FTO: variants seen among roughly 807,000 people sequenced by gnomAD.
FTO encodes the protein alpha-ketoglutarate-dependent dioxygenase FTO.
Under a neutral mutation model 63.9 loss-of-function variants are expected in FTO, and 47 were observed. The observed-to-expected ratio is 0.74, with a 90% CI of 0.58 to 0.94. The LOEUF (loss-of-function observed/expected upper bound fraction) is 0.94, where lower values mean the gene tolerates loss of function less well. FTO is among the 40% of genes least tolerant of loss of function. FTO has a pLI of 0.00. For synonymous variants in FTO, 207 were observed against 224.4 expected (o/e 0.92, Z 0.69); for missense variants, 562 against 618.1 (o/e 0.91, Z 0.96).
At chr16:54,062,060 G>C (rs182862858) in intron 8 of FTO, among the ~76,000 whole-genome samples, 25 of 152,164 alleles carry the variant, frequency 1.6e-4, no homozygotes, top group African/African-American at 6.0e-4. Context: ...CATGGCCACA[G>C]GCATCACGTT....
intron 8 of FTO, among the ~76,000 whole-genome samples, chr16:54,010,303 T>C (rs2084306164): frequency 6.6e-6 from 1 of 152,014 alleles, no homozygotes; most frequent in African/African-American, 2.4e-5. Context: ...TCCCAGCTAC[T>C]CAGGCGATGG....
At position 54,118,311 on chromosome 16, in the gene FTO, C is replaced by G. The variant is rs2086985532; in HGVS notation, c.*6396C>G. ...CCTGTGTGCTTCGGGTAATTCTGAC[C>G]CTCTTCATTAGTGATAATGGCATGA... On this transcript the variant is annotated 3_prime_UTR_variant, in exon 9 of 9. Coordinates refer to ENST00000471389, the MANE Select transcript of FTO (RefSeq NM_001080432.3). The G allele has an allele frequency of 6.6e-6, 1 of 151,982 alleles. No homozygotes were observed. The highest frequency in any genetic ancestry group is 6.6e-5 in the Admixed American group (1 of 15,250). 9.4% of individuals were successfully genotyped at this position (151,982 alleles called of 1,614,324 possible). A position where few individuals can be genotyped will look rare whatever the true frequency, so the allele number is the denominator to read the frequency against.
intron 8 of FTO, among the ~76,000 whole-genome samples, chr16:54,069,267 G>C (rs1229207034): frequency 6.6e-6 from 1 of 152,136 alleles, no homozygotes; most frequent in Admixed American, 6.5e-5. Flanking sequence ...AGCTGGGGCC[G>C]TCTGCACCAC....
intron 1 of FTO, among the ~76,000 whole-genome samples, chr16:53,762,326 C>G (rs567151766): frequency 3.3e-5 from 5 of 152,054 alleles, no homozygotes; most frequent in South Asian, 2.1e-4. Context: ...TTAAAGAAAC[C>G]CTTTAATAGT....
intron 8 of FTO, among the ~76,000 whole-genome samples, chr16:53,974,737 T>G (rs1389276877): frequency 6.6e-6 from 1 of 152,222 alleles, no homozygotes; most frequent in African/African-American, 2.4e-5. Context: ...TGGATGGTGA[T>G]AAATGGATTA....
chr16:53,908,710 T>A (rs539799976), intron 7 of FTO, among the ~76,000 whole-genome samples: 1 of 152,240 alleles, frequency 6.6e-6, no homozygotes, highest in Non-Finnish European at 1.5e-5. Context: ...ACTTTCTTAT[T>A]CTTCTTGTGT....
chr16:53,733,706 T>G (rs981252180), intron 1 of FTO, among the ~76,000 whole-genome samples: 2 of 152,142 alleles, frequency 1.3e-5, no homozygotes, highest in African/African-American at 4.8e-5. Flanking sequence ...GAGATAACAT[T>G]AAAAAAGGTT....
intron 8 of FTO, among the ~76,000 whole-genome samples, chr16:54,004,125 AT>A (rs2084136517): frequency 1.3e-5 from 2 of 152,194 alleles, no homozygotes; most frequent in Admixed American, 6.5e-5. Flanking sequence ...ATAATAGATA[AT>A]TATTATTGCA....
Position 53,976,690 on chromosome 16 carries a change from C to T in FTO, c.1364+42581C>T, listed in dbSNP as rs191580594. On this transcript the variant is annotated intron_variant, in intron 8 of 8. Transcript: ENST00000471389. ...TTGGAGAATTTTTTAAATGTCACCT[C>T]ATCTATTAACATGTTTTATTTCTTC... is the stretch of plus-strand genomic sequence containing the variant. Among the ~76,000 whole-genome samples, 342 of 152,154 alleles carry T rather than the reference C, an allele frequency of 2.2e-3. 3 individuals carry two copies. Among genetic ancestry groups the T allele is most frequent in the African/African-American group, 7.5e-3 (313 of 41,542 alleles).
chr16:53,831,749 C>T (rs761718450), intron 3 of FTO, among the ~76,000 whole-genome samples: 16 of 151,894 alleles, frequency 1.1e-4, no homozygotes, highest in Admixed American at 1.3e-4. Flanking sequence ...GCAGATTGGA[C>T]GGAGAGAATG....
At chr16:53,870,359 A>G (rs1349543552) in intron 4 of FTO, among the ~76,000 whole-genome samples, 1 of 152,164 alleles carries the variant, frequency 6.6e-6, no homozygotes, top group Non-Finnish European at 1.5e-5. Flanking sequence ...GTTCCCTAAG[A>G]TGGAGCTCCC....
At position 53,837,849 on chromosome 16, in the gene FTO, A is replaced by T. The variant is rs1401918842; in HGVS notation, c.752-6306A>T. Among the ~76,000 whole-genome samples, 9 of 152,168 alleles carry T rather than the reference A, an allele frequency of 5.9e-5. No homozygotes were observed. In the East Asian group the frequency reaches 1.5e-3, roughly 26 times the overall value. On this transcript the variant is annotated intron_variant, in intron 3 of 8. Coordinates refer to ENST00000471389, the MANE Select transcript of FTO (RefSeq NM_001080432.3). Reference sequence around the variant, plus strand: ...AGAGATCATTCTGAAAACAGATCTGACTGGTGAAAAAGGCTTTAGTGTCTG... The same window carrying T: ...AGAGATCATTCTGAAAACAGATCTGTCTGGTGAAAAAGGCTTTAGTGTCTG...
intron 6 of FTO, among the ~76,000 whole-genome samples, chr16:53,880,990 C>T (rs957869166): frequency 4.8e-5 from 7 of 144,682 alleles, no homozygotes; most frequent in Non-Finnish European, 9.0e-5. Flanking sequence ...GGCATGGTGG[C>T]GGGTGCCTGT....
At chr16:53,828,020 T>C (rs762294914) in intron 3 of FTO, among the ~76,000 whole-genome samples, 6 of 152,322 alleles carry the variant, frequency 3.9e-5, no homozygotes, top group Non-Finnish European at 7.4e-5. Context: ...CCGTGGGTGA[T>C]CAAGTAGTTT....
chr16:53,753,145 C>T (rs567213794), intron 1 of FTO, among the ~76,000 whole-genome samples: 1 of 150,572 alleles, frequency 6.6e-6, no homozygotes, highest in Non-Finnish European at 1.5e-5. Context: ...CCCAGCTACT[C>T]AGGAGGCTGA....
At chr16:53,905,685 A>T (rs996018330) in intron 7 of FTO, among the ~76,000 whole-genome samples, 1 of 152,106 alleles carries the variant, frequency 6.6e-6, no homozygotes, top group Non-Finnish European at 1.5e-5. Context: ...ACTGTCCGAA[A>T]TTATGTTTTA....
chr16:54,041,357 T>A (rs1047675878), intron 8 of FTO, among the ~76,000 whole-genome samples: 1 of 152,008 alleles, frequency 6.6e-6, no homozygotes, highest in Non-Finnish European at 1.5e-5. Context: ...GGAAACCGCC[T>A]CCATGATCCA....
chr16:53,885,356 A>G (rs1165500304), intron 6 of FTO, among the ~76,000 whole-genome samples: 2 of 152,242 alleles, frequency 1.3e-5, no homozygotes, highest in Non-Finnish European at 2.9e-5. Flanking sequence ...TTTTACCCAC[A>G]ACATTGAAAT....
intron 2 of FTO, among the ~76,000 whole-genome samples, chr16:53,816,914 T>C (rs546618782): frequency 8.5e-5 from 13 of 152,318 alleles, no homozygotes; most frequent in Admixed American, 6.5e-4. Context: ...GCTTTGCAAA[T>C]AGTATGTGCT....
Sources: gnomAD v4.1 joint callset for allele counts (sites outside exome capture counted in the v4.1 genomes callset) on GRCh38, gnomAD v4.1.1 for gene constraint, MANE v1.5 for transcripts, NCBI Gene and HGNC (gene_info 2026-07-23, HGNC 2026-07-21) for gene names.